KCNG3: variants seen among roughly 807,000 people sequenced by gnomAD.
The protein encoded by KCNG3 is voltage-gated potassium channel regulatory subunit KCNG3.
KCNG3 carries 15 observed loss-of-function variants against 29.0 expected under a neutral mutation model. The observed-to-expected ratio is 0.52, with a 90% CI of 0.35 to 0.80. KCNG3 has a LOEUF of 0.80. Among genes scored for constraint, KCNG3 ranks in the 30% least tolerant of loss-of-function variants. The pLI is 0.01. For missense variants in KCNG3, 512 were observed against 605.7 expected, an observed-to-expected ratio of 0.85 and a Z score of 1.62; for synonymous variants, 322 against 248.9, an observed-to-expected ratio of 1.29 and a Z score of -2.76.
chr2:42,464,269 G>A (rs987901546), intron 1 of KCNG3, among the ~76,000 whole-genome samples: 1 of 152,124 alleles, frequency 6.6e-6, no homozygotes, highest in African/African-American at 2.4e-5. Context: ...ATTAAAACAA[G>A]TTGCCCAGGT....
At position 42,468,040 on chromosome 2, in the gene KCNG3, G is replaced by A. The variant is rs1384753481; in HGVS notation, c.666-23461C>T. Among the ~76,000 whole-genome samples, 39 of 150,096 alleles carry A rather than the reference G, an allele frequency of 2.6e-4. 1 individual carries two copies. The highest frequency in any genetic ancestry group is 2.6e-3 in the Admixed American group (39 of 15,050). ...ACAGACAGTACAAGAGAGAAAAACT[G>A]TAGGCCAATCTTACTTAGAAACACA... On this transcript the variant is annotated intron_variant, in intron 1 of 1. Transcript: ENST00000306078.
intron 1 of KCNG3, among the ~76,000 whole-genome samples, chr2:42,452,824 C>T (rs781470042): frequency 5.9e-5 from 9 of 152,068 alleles, no homozygotes; most frequent in Non-Finnish European, 1.0e-4. Context: ...CTCTGTCACC[C>T]AGGCTGGGGT....
intron 1 of KCNG3, among the ~76,000 whole-genome samples, chr2:42,485,514 G>A (rs538264538): frequency 6.6e-6 from 1 of 151,666 alleles, no homozygotes; most frequent in South Asian, 2.1e-4. Context: ...GTGTTATCTC[G>A]GCTCACCGCA....
chr2:42,409,892 C>T, the KCNG3 span, among the ~76,000 whole-genome samples: 1 of 151,978 alleles, frequency 6.6e-6, no homozygotes, highest in Non-Finnish European at 1.5e-5. Context: ...CCTAGCCAGC[C>T]AGCTGCCTAC....
At chr2:42,413,813 A>G in the KCNG3 span, 1 of 152,250 alleles carries the variant, frequency 6.6e-6, no homozygotes, top group Non-Finnish European at 1.5e-5. Flanking sequence ...GTGAGAACTC[A>G]CTATTGCGAA....
chr2:42,488,016 T>C (rs1673772085), intron 1 of KCNG3, among the ~76,000 whole-genome samples: 1 of 152,312 alleles, frequency 6.6e-6, no homozygotes, highest in East Asian at 1.9e-4. Context: ...TTTGTAAATA[T>C]ATATAATGTA....
the KCNG3 span, among the ~76,000 whole-genome samples, chr2:42,423,495 A>G: frequency 6.6e-6 from 1 of 152,064 alleles, no homozygotes; most frequent in South Asian, 2.1e-4. Flanking sequence ...CACTTACCCA[A>G]CCAAGTGCAA....
chr2:42,423,016 C>G, the KCNG3 span, among the ~76,000 whole-genome samples: 5 of 152,136 alleles, frequency 3.3e-5, no homozygotes, highest in African/African-American at 1.2e-4. Context: ...AACTAGCTTC[C>G]ACTTCCATCT....
intron 1 of KCNG3, among the ~76,000 whole-genome samples, chr2:42,480,134 A>G (rs1558387825): frequency 1.3e-5 from 2 of 152,218 alleles, no homozygotes; most frequent in African/African-American, 2.4e-5. Context: ...TCATGATTCA[A>G]TAAGTTCTAA....
chr2:42,403,621 C>CTTTTTTTTTT, the KCNG3 span, among the ~76,000 whole-genome samples: 14 of 134,382 alleles, frequency 1.0e-4, no homozygotes, highest in South Asian at 2.4e-4. Flanking sequence ...ACTTTTTTTT[C>CTTTTTTTTTT]TTTTTTTTTT....
chr2:42,438,657 G>T (rs748048690), downstream of KCNG3, among the ~76,000 whole-genome samples: 4 of 152,174 alleles, frequency 2.6e-5, no homozygotes, highest in Non-Finnish European at 2.9e-5. Flanking sequence ...ACTGACAATT[G>T]AGCTTATGCT....
the KCNG3 span, among the ~76,000 whole-genome samples, chr2:42,432,778 A>T: frequency 6.6e-6 from 1 of 152,318 alleles, no homozygotes; most frequent in East Asian, 1.9e-4. Flanking sequence ...TTTAAAAACC[A>T]TCAACAAGTA....
intron 1 of KCNG3, among the ~76,000 whole-genome samples, chr2:42,455,014 C>G (rs1426595493): frequency 6.6e-6 from 1 of 152,100 alleles, no homozygotes; most frequent in Non-Finnish European, 1.5e-5. Flanking sequence ...AAATGGTATA[C>G]TTAAAAATTG....
chr2:42,417,808 T>C, the KCNG3 span, among the ~76,000 whole-genome samples: 1 of 151,638 alleles, frequency 6.6e-6, no homozygotes, highest in Non-Finnish European at 1.5e-5. Flanking sequence ...CTGTCTCTGC[T>C]AAAAAATTCA....
intron 1 of KCNG3, among the ~76,000 whole-genome samples, chr2:42,480,985 T>C (rs1200507320): frequency 6.6e-6 from 1 of 152,156 alleles, no homozygotes; most frequent in Non-Finnish European, 1.5e-5. Flanking sequence ...TTCGCCATGT[T>C]GGCCAAGCTG....
chr2:42,460,619 T>A (rs536194263), intron 1 of KCNG3, among the ~76,000 whole-genome samples: 1 of 152,278 alleles, frequency 6.6e-6, no homozygotes, highest in East Asian at 1.9e-4. Flanking sequence ...CGATTTAATT[T>A]GGCAAAAACA....
At chr2:42,481,060 C>G (rs942406144) in intron 1 of KCNG3, among the ~76,000 whole-genome samples, 1 of 152,220 alleles carries the variant, frequency 6.6e-6, no homozygotes, top group Non-Finnish European at 1.5e-5. Flanking sequence ...GGATTTCAGG[C>G]ATGAGCCACT....
chr2:42,400,170 A>G, the KCNG3 span, among the ~76,000 whole-genome samples: 2 of 152,222 alleles, frequency 1.3e-5, no homozygotes, highest in African/African-American at 4.8e-5. Context: ...GTCCTGTCCA[A>G]TAGGTCCACT....
At chr2:42,441,535 G>A (rs186739206), downstream of KCNG3, among the ~76,000 whole-genome samples, 18 of 151,890 alleles carry the variant, frequency 1.2e-4, no homozygotes, top group Admixed American at 8.5e-4. Flanking sequence ...ACTCTATCAC[G>A]TCTCATCGTC....
Sources: gnomAD v4.1 joint callset for allele counts (sites outside exome capture counted in the v4.1 genomes callset) on GRCh38, gnomAD v4.1.1 for gene constraint, MANE v1.5 for transcripts, NCBI Gene and HGNC (gene_info 2026-07-23, HGNC 2026-07-21) for gene names.